Variants in BRINP1 observed in about 807,000 individuals in gnomAD.
BRINP1 encodes BMP/retinoic acid inducible neural specific 1.
BRINP1 carries 17 observed loss-of-function variants against 72.9 expected under a neutral mutation model. The observed-to-expected ratio is 0.23, with a 90% CI of 0.16 to 0.35. BRINP1 has a LOEUF of 0.35. Ranked by LOEUF, BRINP1 falls within the 10% of genes least tolerant of loss-of-function variation. The pLI is 1.00. For synonymous variants in BRINP1, 418 were observed against 378.5 expected, an observed-to-expected ratio of 1.10 and a Z score of -1.21; for missense variants, 850 against 1,001.6, an observed-to-expected ratio of 0.85 and a Z score of 2.04.
chr9:119,340,310 A>T (rs76924378), intron 1 of BRINP1, among the ~76,000 whole-genome samples: 2,644 of 152,286 alleles, frequency 0.017, 98 homozygotes, highest in African/African-American at 0.061. Context: ...CTGGATTTAG[A>T]TCTGAGGTTC....
At chr9:119,317,048 A>G (rs7023717) in intron 1 of BRINP1, among the ~76,000 whole-genome samples, 66,620 of 150,734 alleles carry the variant, frequency 0.44, 15,185 homozygotes, top group African/African-American at 0.45. Context: ...CCAAGATCGC[A>G]CCACTGCACT....
chr9:119,294,853 TAA>T (rs59715609), intron 2 of BRINP1, among the ~76,000 whole-genome samples: 131 of 127,904 alleles, frequency 1.0e-3, no homozygotes, highest in Admixed American at 9.8e-4. Flanking sequence ...GACACTACGT[TAA>T]AAAAAAAAAA....
intron 7 of BRINP1, among the ~76,000 whole-genome samples, chr9:119,182,000 CTG>C (rs936174759): frequency 2.0e-5 from 3 of 152,164 alleles, no homozygotes; most frequent in Non-Finnish European, 4.4e-5. Context: ...TGCAAATAAA[CTG>C]TGTTTCTCTT....
intron 7 of BRINP1, among the ~76,000 whole-genome samples, chr9:119,200,205 C>T (rs1482121161): frequency 6.6e-6 from 1 of 151,950 alleles, no homozygotes; most frequent in Non-Finnish European, 1.5e-5. Context: ...TTTTGAATGG[C>T]TATTGTGTGA....
intron 2 of BRINP1, among the ~76,000 whole-genome samples, chr9:119,300,174 C>T (rs552113259): frequency 6.6e-6 from 1 of 152,210 alleles, no homozygotes; most frequent in Non-Finnish European, 1.5e-5. Context: ...AGGTATCTCT[C>T]CTTTTACCCC....
Position 119,242,147 on chromosome 9 carries a change from C to T in BRINP1, c.479G>A (p.Ser160Asn), listed in dbSNP as rs1370273114. The change falls in exon 4 of 8, where the codon AGT (serine) becomes AAT (asparagine). Residue 160 changes from serine (S) to asparagine (N), a missense_variant. Ser to Asn is a conservative substitution (Grantham distance 46). Coordinates refer to ENST00000265922, the MANE Select transcript of BRINP1 (RefSeq NM_014618.3). ...LDRKSGNATQ[S>N]VEALHQLASS... ...TGCGAGCTGGTGCAGAGCTTCAACA[C>T]TTTGAGTGGCATTCCCTGACTTCCT... 2.5e-6 allele frequency: 4 copies of T among 1,614,052 alleles called. No individual in the cohort carries two copies. Among genetic ancestry groups the T allele is most frequent in the Non-Finnish European group, 3.4e-6 (4 of 1,180,038 alleles).
At chr9:119,300,201 C>T (rs1830926087) in intron 2 of BRINP1, among the ~76,000 whole-genome samples, 2 of 152,160 alleles carry the variant, frequency 1.3e-5, no homozygotes, top group African/African-American at 4.8e-5. Context: ...TGTTCTTACT[C>T]TTTCCCTTCC....
At chr9:119,284,461 A>G (rs1293631788) in intron 2 of BRINP1, among the ~76,000 whole-genome samples, 1 of 152,186 alleles carries the variant, frequency 6.6e-6, no homozygotes, top group Admixed American at 6.5e-5. Flanking sequence ...AAATGGATAT[A>G]GTCTCACTTT....
At chr9:119,286,771 A>G (rs1830765587) in intron 2 of BRINP1, among the ~76,000 whole-genome samples, 1 of 152,238 alleles carries the variant, frequency 6.6e-6, no homozygotes, top group African/African-American at 2.4e-5. Context: ...GGTCATGCAC[A>G]AGAGGACGGG....
chr9:119,280,080 A>C (rs541050689), intron 2 of BRINP1, among the ~76,000 whole-genome samples: 7 of 152,204 alleles, frequency 4.6e-5, no homozygotes, highest in Non-Finnish European at 1.0e-4. Flanking sequence ...ATAGTAGATG[A>C]TCTTGGCAGA....
At chr9:119,333,462 CA>C (rs544546221) in intron 1 of BRINP1, among the ~76,000 whole-genome samples, 12,187 of 68,062 alleles carry the variant, frequency 0.18, 362 homozygotes, top group East Asian at 0.19. Flanking sequence ...GACCTTGTTT[CA>C]AAAAAAAAAA....
chr9:119,223,453 T>G (rs1419402827), intron 5 of BRINP1, among the ~76,000 whole-genome samples: 3 of 152,100 alleles, frequency 2.0e-5, no homozygotes, highest in Admixed American at 2.0e-4. Flanking sequence ...TTATGTGGTC[T>G]CAGGTAGTCT....
At chr9:119,220,003 T>C (rs1247130608) in intron 5 of BRINP1, among the ~76,000 whole-genome samples, 1 of 152,132 alleles carries the variant, frequency 6.6e-6, no homozygotes, top group Non-Finnish European at 1.5e-5. Flanking sequence ...CTGACTAAGG[T>C]TCGTCTTCTT....
chr9:119,354,078 C>G (rs1159219764), intron 1 of BRINP1, among the ~76,000 whole-genome samples: 1 of 151,794 alleles, frequency 6.6e-6, no homozygotes, highest in Non-Finnish European at 1.5e-5. Context: ...TCTTATTATT[C>G]TTTGGTAATT....
At chr9:119,268,127 C>T (rs1401468474) in intron 2 of BRINP1, among the ~76,000 whole-genome samples, 1 of 152,084 alleles carries the variant, frequency 6.6e-6, no homozygotes, top group Non-Finnish European at 1.5e-5. Flanking sequence ...CCTGTAATCC[C>T]AGCTACTCAG....
At chr9:119,238,845 A>C (rs1349129613) in intron 4 of BRINP1, 85 bp from the exon 5 acceptor site, 6 of 867,476 alleles carry the variant, frequency 6.9e-6, no homozygotes, top group African/African-American at 6.8e-5. Context: ...CAGCAGAGCA[A>C]AGCCTGCAGA....
At chr9:119,356,351 C>T (rs575805014) in intron 1 of BRINP1, among the ~76,000 whole-genome samples, 1 of 152,340 alleles carries the variant, frequency 6.6e-6, no homozygotes, top group African/African-American at 2.4e-5. Context: ...CTCTATCACA[C>T]TTTGCTCTCC....
chr9:119,273,522 T>A (rs561839057), intron 2 of BRINP1, among the ~76,000 whole-genome samples: 1 of 152,246 alleles, frequency 6.6e-6, no homozygotes, highest in East Asian at 1.9e-4. Flanking sequence ...GGCTCAAAAC[T>A]GCATGGAGTG....
chr9:119,197,441 A>T (rs1425212668), intron 7 of BRINP1, among the ~76,000 whole-genome samples: 2 of 152,058 alleles, frequency 1.3e-5, no homozygotes, highest in Non-Finnish European at 2.9e-5. Flanking sequence ...AGCATCAACA[A>T]CTCTGTCTGG....
Sources: gnomAD v4.1 joint callset for allele counts (sites outside exome capture counted in the v4.1 genomes callset) on GRCh38, gnomAD v4.1.1 for gene constraint, MANE v1.5 for transcripts, NCBI Gene and HGNC (gene_info 2026-07-23, HGNC 2026-07-21) for gene names.